Variants in DPP10 observed in about 807,000 individuals in gnomAD.
DPP10 encodes the protein dipeptidyl peptidase like 10.
A neutral mutation model predicts 120.9 loss-of-function variants in DPP10; 33 were observed. The observed-to-expected ratio is 0.27, with a 90% confidence interval of 0.21 to 0.37. The LOEUF (loss-of-function observed/expected upper bound fraction) is 0.37. Ranked by LOEUF, DPP10 falls within the 10% of genes least tolerant of loss-of-function variation. The pLI, the probability that DPP10 is intolerant of heterozygous loss-of-function variation, is 1.00. For synonymous variants in DPP10, 337 were observed against 326.1 expected (o/e 1.03, Z -0.36); for missense variants, 816 against 942.8 (o/e 0.87, Z 1.76).
At chr2:114,918,645 C>G (rs1396985638) in intron 1 of DPP10, among the ~76,000 whole-genome samples, 1 of 152,058 alleles carries the variant, frequency 6.6e-6, no homozygotes, top group Non-Finnish European at 1.5e-5. Flanking sequence ...TCCTCTGCAG[C>G]AATGTGGATG....
intron 21 of DPP10, among the ~76,000 whole-genome samples, chr2:115,832,420 GC>G: frequency 6.6e-6 from 1 of 152,318 alleles, no homozygotes; most frequent in Non-Finnish European, 1.5e-5. Context: ...AGCCTGGGAG[GC>G]AGCGGTTGCG....
intron 12 of DPP10, among the ~76,000 whole-genome samples, chr2:115,766,286 A>G (rs1900284): frequency 0.086 from 6,063 of 70,450 alleles, 774 homozygotes; most frequent in African/African-American, 0.22. Context: ...CATTATATAT[A>G]TGTGTGTGTG....
At chr2:115,215,454 C>T (rs1248484402) in intron 1 of DPP10, among the ~76,000 whole-genome samples, 1 of 152,150 alleles carries the variant, frequency 6.6e-6, no homozygotes, top group East Asian at 1.9e-4. Flanking sequence ...TTTAAATAGG[C>T]CACATGTCTA....
chr2:115,220,366 A>C (rs960399775), intron 1 of DPP10, among the ~76,000 whole-genome samples: 11 of 152,090 alleles, frequency 7.2e-5, no homozygotes, highest in Non-Finnish European at 1.2e-4. Flanking sequence ...CCTCGTGTAG[A>C]TCTTCCGTGT....
Position 115,768,303 on chromosome 2 carries a change from G to A in DPP10, c.1120G>A (p.Glu374Lys). Reference protein sequence around the residue: ...SDTWLSQQNEEPVFSRDGSKF... With the variant: ...SDTWLSQQNEKPVFSRDGSKF... ...GTGCTCTTCTGTATTTTAGAATGAG[G>A]AGCCCGTGTTTTCTAGAGACGGCAG... is the stretch of plus-strand genomic sequence containing the variant. The change falls in exon 13 of 26, where the codon GAG (glutamate) becomes AAG (lysine). Residue 374 changes from glutamate to lysine, a missense_variant. Around this residue, in one of 3 missense-constraint regions of DPP10, gnomAD observed 592 missense variants for 649.0 expected, o/e 0.91. Coordinates refer to ENST00000410059, the MANE Select transcript of DPP10 (RefSeq NM_020868.6). 1.2e-6 allele frequency: 2 copies of A among 1,613,452 alleles called. No individual in the cohort carries two copies. Among genetic ancestry groups the A allele is most frequent in the Non-Finnish European group, 1.7e-6 (2 of 1,179,590 alleles).
chr2:115,103,341 C>T (rs1157087413), intron 1 of DPP10, among the ~76,000 whole-genome samples: 3 of 152,126 alleles, frequency 2.0e-5, no homozygotes, highest in Non-Finnish European at 4.4e-5. Flanking sequence ...GCACCTGCCA[C>T]CACGCCCGGC....
At chr2:114,888,020 G>A (rs1388089480) in intron 1 of DPP10, among the ~76,000 whole-genome samples, 9 of 152,052 alleles carry the variant, frequency 5.9e-5, no homozygotes, top group Admixed American at 2.6e-4. Context: ...GTGGGCGCCT[G>A]TAGTCCCAGC....
chr2:114,540,449 G>A (rs1452107685), intron 1 of DPP10, among the ~76,000 whole-genome samples: 7 of 152,302 alleles, frequency 4.6e-5, no homozygotes, highest in Non-Finnish European at 7.4e-5. Context: ...GACGAAGTTA[G>A]CAGATACTCA....
At chr2:115,016,400 C>T (rs1438597283) in intron 1 of DPP10, among the ~76,000 whole-genome samples, 2 of 151,964 alleles carry the variant, frequency 1.3e-5, no homozygotes, top group African/African-American at 2.4e-5. Context: ...CCATGAAAAC[C>T]CTAGAAGAAA....
intron 1 of DPP10, among the ~76,000 whole-genome samples, chr2:114,834,689 A>G (rs930883831): frequency 7.8e-6 from 1 of 128,856 alleles, no homozygotes; most frequent in Non-Finnish European, 1.7e-5. Context: ...ACCTATGTAT[A>G]TATAAGACAT....
intron 1 of DPP10, among the ~76,000 whole-genome samples, chr2:114,928,508 C>A (rs1014754305): frequency 2.0e-5 from 3 of 152,158 alleles, no homozygotes; most frequent in Non-Finnish European, 2.9e-5. Context: ...AGGCTTAGGG[C>A]AGCCCTGACC....
chr2:114,872,941 G>A (rs1233304033), intron 1 of DPP10, among the ~76,000 whole-genome samples: 2 of 152,122 alleles, frequency 1.3e-5, no homozygotes, highest in Admixed American at 6.6e-5. Context: ...ATAATATGTG[G>A]GGACTAGCTA....
At chr2:114,950,951 C>T (rs1322061106) in intron 1 of DPP10, among the ~76,000 whole-genome samples, 1 of 152,098 alleles carries the variant, frequency 6.6e-6, no homozygotes, top group East Asian at 1.9e-4. Flanking sequence ...GAAAGCATCT[C>T]TTATGGGGAT....
chr2:114,694,019 A>G lies in DPP10; in HGVS notation c.60+251181A>G, dbSNP rs141593464. Among the ~76,000 whole-genome samples, 1,024 of 152,100 alleles carry G rather than the reference A, an allele frequency of 6.7e-3. 7 individuals are homozygous for G. Among genetic ancestry groups the G allele is most frequent in the African/African-American group, 0.023 (953 of 41,552 alleles). ...ATAAGGACCAATAATATTATTTTCT[A>G]TGATTTCTTCTTAGTACTGAACCCA... On this transcript the variant is annotated intron_variant, in intron 1 of 25. Transcript: ENST00000410059.
intron 5 of DPP10, among the ~76,000 whole-genome samples, chr2:115,589,810 A>G (rs896356865): frequency 3.9e-5 from 6 of 152,320 alleles, no homozygotes; most frequent in East Asian, 3.9e-4. Context: ...TAAGACTGGC[A>G]TTCATAATTG....
chr2:114,787,567 C>T lies in DPP10; in HGVS notation c.60+344729C>T, dbSNP rs116647734. Among the ~76,000 whole-genome samples, 16 of 152,256 alleles carry T rather than the reference C, an allele frequency of 1.1e-4. No homozygotes were observed. The East Asian group carries it at 3.1e-3, about 29-fold the overall frequency. On this transcript the variant is annotated intron_variant, in intron 1 of 25. Transcript: ENST00000410059. ...AGAGAACACATGGCTAAAGAACAGA[C>T]CTGTCTTGCTGCTCTCTAAAGCAAT... is the stretch of plus-strand genomic sequence containing the variant.
chr2:115,626,740 G>A (rs767832734), intron 5 of DPP10, among the ~76,000 whole-genome samples: 23 of 152,144 alleles, frequency 1.5e-4, no homozygotes, highest in Non-Finnish European at 3.1e-4. Flanking sequence ...GTTAGACATA[G>A]ACACATACAC....
At chr2:115,387,391 A>T (rs867734587) in intron 3 of DPP10, among the ~76,000 whole-genome samples, 10 of 152,176 alleles carry the variant, frequency 6.6e-5, no homozygotes, top group African/African-American at 2.4e-4. Context: ...AATTACAGAG[A>T]TTTACTATAA....
At position 115,727,936 on chromosome 2, in the gene DPP10, G is replaced by A; in HGVS notation, c.697G>A (p.Glu233Lys). 1 of 1,595,996 alleles carries A rather than the reference G, an allele frequency of 6.3e-7. No homozygotes were observed. The highest frequency in any genetic ancestry group is 8.5e-7 in the Non-Finnish European group (1 of 1,173,982). ...FNGIADWLYE[E>K]ELLHSHIAHW... The stretch of plus-strand genomic sequence containing the variant: ...TGGGATTGCTGACTGGTTATATGAA[G>A]GTGAGTTGATCAGATTTAGTTTCAA... Residue 233 changes from glutamate (E) to lysine (K), a missense_variant and splice_region_variant, in exon 8 of 26, where the codon GAG becomes AAG. By Grantham distance (56) the Glu-to-Lys change is moderately conservative (BLOSUM62 1). This residue lies in a region of DPP10 where 42 missense variants were observed against 86.4 expected (regional missense o/e 0.49). Transcript: ENST00000410059.
Sources: gnomAD v4.1 joint callset for allele counts (sites outside exome capture counted in the v4.1 genomes callset) on GRCh38, gnomAD v4.1.1 for gene constraint, gnomAD v4.1.1 regional missense constraint, MANE v1.5 for transcripts, NCBI Gene and HGNC (gene_info 2026-07-23, HGNC 2026-07-21) for gene names.